Variants in ZC3HAV1 observed in about 807,000 individuals in gnomAD.
ZC3HAV1 encodes zinc finger CCCH-type containing, antiviral 1.
A neutral mutation model predicts 86.6 loss-of-function variants in ZC3HAV1; 41 were observed. The ratio of observed to expected loss-of-function variants is 0.47; its 90% confidence interval spans 0.37 to 0.61. The LOEUF is 0.61. Ranked by LOEUF, ZC3HAV1 falls within the 20% of genes least tolerant of loss-of-function variation. The pLI is 0.00. For synonymous variants in ZC3HAV1, 421 were observed against 432.1 expected, an observed-to-expected ratio of 0.97 and a Z score of 0.32; for missense variants, 964 against 1,141.1, an observed-to-expected ratio of 0.84 and a Z score of 2.24.
At chr7:139,086,434 A>T (rs1817274980) in intron 2 of ZC3HAV1, among the ~76,000 whole-genome samples, 1 of 151,642 alleles carries the variant, frequency 6.6e-6, no homozygotes, top group Non-Finnish European at 1.5e-5. Context: ...CTGAATTCTA[A>T]CAATGGAAAG....
chr7:139,060,813 T>C, intron 9 of ZC3HAV1: 1 of 1,430,298 alleles, frequency 7.0e-7, no homozygotes. Flanking sequence ...TCGCTCAGAC[T>C]TCCCTTTCAG....
At chr7:139,071,398 G>A (rs538151553) in intron 7 of ZC3HAV1, among the ~76,000 whole-genome samples, 7 of 152,152 alleles carry the variant, frequency 4.6e-5, no homozygotes, top group Non-Finnish European at 1.0e-4. Flanking sequence ...CACCACGCCC[G>A]GCCTCCTGGA....
In ZC3HAV1 at chr7:139,109,430, G is replaced by A; in HGVS notation, c.-99C>T. The A allele has an allele frequency of 7.1e-7, 1 of 1,403,286 alleles. No homozygotes were observed. The highest frequency in any genetic ancestry group is 2.6e-5 in the East Asian group (1 of 39,166). 86.9% of individuals were successfully genotyped at this position (1,403,286 alleles called of 1,614,324 possible). ...GTGTCCAGGGGCGGGCGCGGGCGGT[G>A]CTACTGCTGGGCGCGCCCGGAGTCA... On this transcript the variant is annotated 5_prime_UTR_variant, in exon 1 of 13. Transcript: ENST00000242351.
intron 7 of ZC3HAV1, among the ~76,000 whole-genome samples, chr7:139,069,139 T>C (rs930482511): frequency 2.0e-5 from 3 of 152,174 alleles, no homozygotes; most frequent in Non-Finnish European, 1.5e-5. Flanking sequence ...AGTTGCCCCA[T>C]ACTCTTAAGT....
chr7:139,045,004 C>T lies in ZC3HAV1; in HGVS notation c.*2590G>A, dbSNP rs1037917932. On this transcript the variant is annotated 3_prime_UTR_variant, in exon 13 of 13. Coordinates refer to ENST00000242351, the MANE Select transcript of ZC3HAV1 (RefSeq NM_020119.4). Reference sequence around the variant, plus strand: ...CACATATGATCTGATCTCCTACCTTCTAAGTTCAAATTGATGCATTATAAA... The same window carrying T: ...CACATATGATCTGATCTCCTACCTTTTAAGTTCAAATTGATGCATTATAAA... 1 of 152,208 alleles carries T rather than the reference C, an allele frequency of 6.6e-6. No individual in the cohort carries two copies. The highest frequency in any genetic ancestry group is 1.5e-5 in the Non-Finnish European group (1 of 68,032). The allele number at this position is 152,208 out of a possible 1,614,324, so 9.4% of individuals were successfully genotyped here. A position where few individuals can be genotyped will look rare whatever the true frequency, so the allele number is the denominator to read the frequency against.
intron 1 of ZC3HAV1, among the ~76,000 whole-genome samples, chr7:139,090,974 C>G (rs1817412522): frequency 6.6e-6 from 1 of 152,166 alleles, no homozygotes; most frequent in African/African-American, 2.4e-5. Context: ...GCGACAGCCT[C>G]TATCCTAGCC....
At chr7:139,072,451 T>C (rs1483688784) in intron 7 of ZC3HAV1, among the ~76,000 whole-genome samples, 1 of 152,174 alleles carries the variant, frequency 6.6e-6, no homozygotes, top group Non-Finnish European at 1.5e-5. Flanking sequence ...CCTCCCAAAG[T>C]GCTGGGATTA....
At chr7:139,060,337 A>G (rs1401235846) in intron 9 of ZC3HAV1, 1 of 985,284 alleles carries the variant, frequency 1.0e-6, no homozygotes. Flanking sequence ...AACTCCAAAA[A>G]TGTTCATGAA....
chr7:139,056,461 G>A (rs1164021451), intron 9 of ZC3HAV1, among the ~76,000 whole-genome samples: 7 of 134,224 alleles, frequency 5.2e-5, no homozygotes, highest in African/African-American at 2.0e-4. Context: ...CCCAGGCTGA[G>A]TACAATGGTG....
In ZC3HAV1 at chr7:139,084,899, G is replaced by T. The variant is rs1817231882; in HGVS notation, c.445-867C>A. Among the ~76,000 whole-genome samples, 4 of 152,226 alleles carry T rather than the reference G, an allele frequency of 2.6e-5. No individual in the cohort carries two copies. The South Asian group carries it at 8.3e-4, about 31-fold the overall frequency. ...GATAGACTCTGAGCAAACCAGATCA[G>T]TATGGTTCACTGTGATCTGTCTAGA... On this transcript the variant is annotated intron_variant, in intron 2 of 12. Coordinates refer to ENST00000242351, the MANE Select transcript of ZC3HAV1 (RefSeq NM_020119.4).
intron 2 of ZC3HAV1, among the ~76,000 whole-genome samples, chr7:139,085,784 G>A (rs140472757): frequency 7.6e-4 from 115 of 152,128 alleles, no homozygotes; most frequent in African/African-American, 1.9e-3. Flanking sequence ...AGGCTGAGGC[G>A]GGAGGATCAC....
chr7:139,053,261 C>A (rs776548531), intron 12 of ZC3HAV1, among the ~76,000 whole-genome samples, 190 bp downstream of exon 12: 1 of 152,208 alleles, frequency 6.6e-6, no homozygotes, highest in Non-Finnish European at 1.5e-5. Context: ...GTCCAGCAAT[C>A]AAGCTCCAAG....
chr7:139,067,251 C>T (rs1483460882), intron 7 of ZC3HAV1, among the ~76,000 whole-genome samples: 6 of 151,972 alleles, frequency 3.9e-5, no homozygotes, highest in African/African-American at 1.2e-4. Context: ...TGGGTTCAAG[C>T]GAATTCTCCC....
chr7:139,105,105 T>A (rs545519340), intron 1 of ZC3HAV1, among the ~76,000 whole-genome samples: 1 of 150,656 alleles, frequency 6.6e-6, no homozygotes, highest in East Asian at 2.0e-4. Flanking sequence ...TCCCAGCTAC[T>A]CAGGAGGCTG....
chr7:139,098,376 G>A (rs1334147895), intron 1 of ZC3HAV1, among the ~76,000 whole-genome samples: 1 of 152,130 alleles, frequency 6.6e-6, no homozygotes, highest in Non-Finnish European at 1.5e-5. Context: ...TTAAATAAAT[G>A]TACACACATT....
chr7:139,102,274 C>G (rs1014801492), intron 1 of ZC3HAV1, among the ~76,000 whole-genome samples: 23 of 152,140 alleles, frequency 1.5e-4, no homozygotes, highest in African/African-American at 5.6e-4. Flanking sequence ...ACTGGGACCA[C>G]AGGTGTGTGC....
intron 1 of ZC3HAV1, among the ~76,000 whole-genome samples, chr7:139,094,442 T>C (rs2130725864): frequency 6.6e-6 from 1 of 150,592 alleles, no homozygotes; most frequent in South Asian, 2.1e-4. Flanking sequence ...CTACCCACAC[T>C]TGGAGCAGAT....
intron 12 of ZC3HAV1, among the ~76,000 whole-genome samples, chr7:139,052,167 T>C (rs191575513): frequency 1.9e-3 from 296 of 152,048 alleles, no homozygotes; most frequent in African/African-American, 6.8e-3. Flanking sequence ...TTAGGGTACA[T>C]GTGCACAACG....
chr7:139,047,969 A>G, intron 12 of ZC3HAV1, 116 bp from the exon 13 acceptor site: 1 of 1,064,200 alleles, frequency 9.4e-7, no homozygotes, highest in Non-Finnish European at 1.3e-6. Flanking sequence ...ATAATACCTT[A>G]CTGATATTTA....
Sources: allele counts gnomAD v4.1 joint callset (sites outside exome capture counted in the v4.1 genomes callset), GRCh38; gene constraint gnomAD v4.1.1; transcripts MANE v1.5; gene names NCBI Gene and HGNC (gene_info 2026-07-23, HGNC 2026-07-21).